FOXM1: variants seen among roughly 807,000 people sequenced by gnomAD.
FOXM1 encodes forkhead box M1.
FOXM1 carries 25 observed loss-of-function variants against 63.6 expected under a neutral mutation model. The ratio of observed to expected loss-of-function variants is 0.39; its 90% CI spans 0.29 to 0.55. The LOEUF (loss-of-function observed/expected upper bound fraction) is 0.55, where lower values mean the gene tolerates loss of function less well. Among genes scored for constraint, FOXM1 ranks in the 20% least tolerant of loss-of-function variants. FOXM1 has a pLI of 0.60. For missense variants in FOXM1, 879 were observed against 958.7 expected (o/e 0.92, Z 1.10); for synonymous variants, 387 against 376.9 (o/e 1.03, Z -0.31).
Position 2,872,038 on chromosome 12 carries a change from T to A in FOXM1, c.654+58A>T. 1 of 1,586,118 alleles carries A rather than the reference T, an allele frequency of 6.3e-7. No individual in the cohort carries two copies. The highest frequency in any genetic ancestry group is 8.7e-7 in the Non-Finnish European group (1 of 1,155,322). On this transcript the variant is annotated intron_variant, in intron 3 of 8. Coordinates refer to ENST00000359843, the MANE Select transcript of FOXM1 (RefSeq NM_021953.4). The surrounding 1 kb of genome is among the most constrained non-coding windows in gnomAD (Gnocchi z 4.0). ...CATCAGGCCACTTGATCCATTTCCC[T>A]ACCTAGGAATTCCCTACACTGGATC... is the stretch of plus-strand genomic sequence containing the variant.
intron 1 of FOXM1, 93 bp downstream of exon 1, chr12:2,876,824 CCCT>C (rs2098145372): frequency 6.5e-6 from 1 of 152,806 alleles, no homozygotes; most frequent in African/African-American, 2.4e-5. Flanking sequence ...GTGGCCCGTG[CCCT>C]GCTGCTAGAC....
chr12:2,858,922 G>C lies in FOXM1; in HGVS notation c.2008C>G (p.Leu670Val), dbSNP rs1478305288. 3 of 1,613,410 alleles carry C rather than the reference G, an allele frequency of 1.9e-6. No individual in the cohort carries two copies. The highest frequency in any genetic ancestry group is 1.3e-5 in the African/African-American group (1 of 74,874). The change falls in exon 9 of 9, where the codon CTT (leucine) becomes GTT (valine). Residue 670 changes from leucine (L) to valine (V), a missense_variant. By Grantham distance (32) the Leu-to-Val change is conservative. Transcript: ENST00000359843. Reference protein sequence around the residue: ...STTPLQSAPPLESPQRLLSSE... With the variant: ...STTPLQSAPPVESPQRLLSSE... ...CTGAGGAGCCTTTGCGGTGATTCAA[G>C]GGGGGGAGCACTTTGCAAGGGAGTG...
At chr12:2,876,426 C>A (rs2098143681) in intron 1 of FOXM1, 1 of 152,336 alleles carries the variant, frequency 6.6e-6, no homozygotes, top group East Asian at 1.9e-4. Context: ...GCCCGGGAAA[C>A]TTCCAGAGTG....
rs780259609 is a variant in FOXM1 at position 2,858,984 on chromosome 12, G to A, written c.1946C>T (p.Pro649Leu). 2.0e-5 allele frequency: 33 copies of A among 1,613,400 alleles called. No homozygotes were observed. The highest frequency in any genetic ancestry group is 1.9e-4 in the South Asian group (17 of 91,074). The change falls in exon 9 of 9, where the codon CCC becomes CTC. Residue 649 changes from proline to leucine, a missense_variant. Physicochemically the swap from Pro to Leu is moderately conservative, Grantham distance 98. Around this residue, in one of 4 missense-constraint regions of FOXM1, gnomAD observed 486 missense variants for 453.5 expected, o/e 1.07. Coordinates refer to ENST00000359843, the MANE Select transcript of FOXM1 (RefSeq NM_021953.4). ...CATCAGCCCCAGGGGGTCAGGCAAGGGGTCAGAGGCACCCTGGGAGGTTTG... is the reference window on the plus strand; with the variant it reads ...CATCAGCCCCAGGGGGTCAGGCAAGAGGTCAGAGGCACCCTGGGAGGTTTG... ...PVQTSQGASD[P>L]LPDPLGLMDL...
chr12:2,861,950 G>A (rs1333995753), intron 8 of FOXM1, among the ~76,000 whole-genome samples: 1 of 152,162 alleles, frequency 6.6e-6, no homozygotes, highest in Admixed American at 6.6e-5. Context: ...GGAGGCCAAG[G>A]CAGGCGGATC....
chr12:2,864,243 C>T lies in FOXM1; in HGVS notation c.1266+77G>A, dbSNP rs2098119012. The T allele has an allele frequency of 7.7e-7, 1 of 1,304,468 alleles. No homozygotes were observed. Among genetic ancestry groups the T allele is most frequent in the Non-Finnish European group, 1.1e-6 (1 of 933,134 alleles). The allele number at this position is 1,304,468 out of a possible 1,614,324, so 80.8% of individuals were successfully genotyped here. A position where few individuals can be genotyped will look rare whatever the true frequency, so the allele number is the denominator to read the frequency against. On this transcript the variant is annotated intron_variant, in intron 8 of 8. Transcript: ENST00000359843. The surrounding 1 kb of genome is among the most constrained non-coding windows in gnomAD (Gnocchi z 5.1). ...TTATAAGCTCTCAAGGAACACTTAT[C>T]AGAGTGCTTTGCAAGCTGAAGGTCC...
At position 2,864,775 on chromosome 12, in the gene FOXM1, G is replaced by A. The variant is rs767649969; in HGVS notation, c.1021-23C>T. On this transcript the variant is annotated intron_variant, in intron 6 of 8. Transcript: ENST00000359843. This position sits in a 1 kb window ranked among gnomAD's most constrained non-coding sequence, Gnocchi z 5.1. The stretch of plus-strand genomic sequence containing the variant: ...CTGCTGCTTGTGGCAGATGGGGAGA[G>A]AAAGAAACCTATGTTAACACAATAA... The A allele has an allele frequency of 6.2e-7, 1 of 1,613,424 alleles. No individual in the cohort carries two copies. The highest frequency in any genetic ancestry group is 1.1e-5 in the South Asian group (1 of 91,050).
chr12:2,860,524 A>G lies in FOXM1; in HGVS notation c.1267-861T>C, dbSNP rs137881882. On this transcript the variant is annotated intron_variant, in intron 8 of 8. Coordinates refer to ENST00000359843, the MANE Select transcript of FOXM1 (RefSeq NM_021953.4). ...AAAGGAAAGTAAAGAGATAAACAAT[A>G]GAAGTAGAAAAATATCTTCAGCATA... is the stretch of plus-strand genomic sequence containing the variant. 1.1e-4 allele frequency among the ~76,000 whole-genome samples: 17 copies of G among 152,322 alleles called. No homozygotes were observed. In the East Asian group the frequency reaches 3.1e-3, roughly 28 times the overall value.
At chr12:2,862,369 G>A (rs2098115455) in intron 8 of FOXM1, among the ~76,000 whole-genome samples, 1 of 151,810 alleles carries the variant, frequency 6.6e-6, no homozygotes, top group African/African-American at 2.4e-5. Flanking sequence ...GAGTAGGGGT[G>A]ATGTGGGTGA....
chr12:2,865,444 C>T, intron 5 of FOXM1, 45 bp from the exon 6 acceptor site: 1 of 1,530,686 alleles, frequency 6.5e-7, no homozygotes, highest in Non-Finnish European at 9.0e-7. Context: ...GATGAAGTTA[C>T]CACCAACGTG....
At chr12:2,870,627 C>T (rs999633893) in intron 3 of FOXM1, among the ~76,000 whole-genome samples, 3 of 149,978 alleles carry the variant, frequency 2.0e-5, no homozygotes, top group African/African-American at 7.4e-5. Context: ...TGTGCCACTG[C>T]ACTCCAGCCT....
chr12:2,863,716 C>CT lies in FOXM1; in HGVS notation c.1266+603dup, dbSNP rs796609540. 6.4e-3 allele frequency: 876 copies of CT among 137,700 alleles called. 8 individuals are homozygous for CT. Among genetic ancestry groups the CT allele is most frequent in the African/African-American group, 0.019 (705 of 37,700 alleles). 8.5% of individuals were successfully genotyped at this position (137,700 alleles called of 1,614,324 possible). The stretch of plus-strand genomic sequence containing the variant: ...AGCCTCAAATCCACTTCTTTCTTTT[C>CT]TTTTTTTTTTTTTGAGACAGAGTCT... On this transcript the variant is annotated intron_variant, in intron 8 of 8. Transcript: ENST00000359843.
At chr12:2,873,738 C>T (rs937747475) in intron 2 of FOXM1, among the ~76,000 whole-genome samples, 5 of 151,932 alleles carry the variant, frequency 3.3e-5, no homozygotes, top group South Asian at 2.1e-4. Context: ...CCACCACGCT[C>T]GGCTAGTTTT....
intron 3 of FOXM1, among the ~76,000 whole-genome samples, chr12:2,871,598 G>A (rs1488844124): frequency 6.6e-6 from 1 of 151,798 alleles, no homozygotes; most frequent in Non-Finnish European, 1.5e-5. Flanking sequence ...GCTGCAGAGA[G>A]CCATGACTGC....
rs927684375 is a variant in FOXM1 at position 2,857,761 on chromosome 12, G to C, written c.*877C>G. The C allele has an allele frequency of 2.0e-5, 3 of 152,428 alleles. No individual in the cohort carries two copies. Among genetic ancestry groups the C allele is most frequent in the African/African-American group, 7.2e-5 (3 of 41,440 alleles). 9.4% of individuals were successfully genotyped at this position (152,428 alleles called of 1,614,324 possible). On this transcript the variant is annotated 3_prime_UTR_variant, in exon 9 of 9. Coordinates refer to ENST00000359843, the MANE Select transcript of FOXM1 (RefSeq NM_021953.4). ...ATGCGGTCAGCTGGGGCCTAGGGTG[G>C]CTCTTTGCAAAGCTGAGGGGCAAGC...
chr12:2,865,529 C>T, intron 5 of FOXM1, 130 bp from the exon 6 acceptor site: 1 of 635,642 alleles, frequency 1.6e-6, no homozygotes, highest in South Asian at 2.5e-5. Context: ...CTGCCCCTCC[C>T]AGGAGAATGG....
chr12:2,873,910 C>A, intron 2 of FOXM1, 67 bp downstream of exon 2: 1 of 1,521,392 alleles, frequency 6.6e-7, no homozygotes, highest in Non-Finnish European at 8.9e-7. Context: ...TCAAGACTGA[C>A]TACACACCTT....
rs1200771248 is a variant in FOXM1, at chr12:2,864,687, G to A, written c.1086C>T (p.Gly362=). The change falls in exon 7 of 9, where the codon GGC becomes GGT. Residue 362 remains glycine (G), a synonymous_variant. Transcript: ENST00000359843. This position sits in a 1 kb window ranked among gnomAD's most constrained non-coding sequence, Gnocchi z 5.1. The part of the protein sequence containing the change: ...NMTIKTELPL[G]ARRKMKPLLP... ...GGCCCACTCTCCCATACTAACGTGC[G>A]CCCAGGGGGAGTTCGGTTTTGATGG... 18 of 1,613,980 alleles carry A rather than the reference G, an allele frequency of 1.1e-5. No homozygotes were observed. Among genetic ancestry groups the A allele is most frequent in the South Asian group, 4.4e-5 (4 of 91,088 alleles).
At chr12:2,865,669 T>G (rs1048382562) in intron 5 of FOXM1, among the ~76,000 whole-genome samples, 1 of 81,714 alleles carries the variant, frequency 1.2e-5, no homozygotes. Flanking sequence ...TTTTTTTTTT[T>G]GAGACAGACT....
Sources: gnomAD v4.1 joint callset for allele counts (sites outside exome capture counted in the v4.1 genomes callset) on GRCh38, gnomAD v4.1.1 for gene constraint, gnomAD v4.1.1 regional missense constraint, Gnocchi (gnomAD v3.1) non-coding constraint, MANE v1.5 for transcripts, NCBI Gene and HGNC (gene_info 2026-07-23, HGNC 2026-07-21) for gene names.